The following CLSTN2 variants were observed in gnomAD, a reference collection of about 807,000 sequenced individuals.
CLSTN2 encodes calsyntenin-2.
Under a neutral mutation model 101.2 loss-of-function variants are expected in CLSTN2, and 48 were observed. The ratio of observed to expected loss-of-function variants is 0.47; its 90% CI spans 0.38 to 0.60. The LOEUF (loss-of-function observed/expected upper bound fraction) is 0.60. CLSTN2 is among the 20% of genes least tolerant of loss of function. The pLI, the probability that CLSTN2 is intolerant of heterozygous loss-of-function variation, is 0.00. For synonymous variants in CLSTN2, 481 were observed against 463.6 expected (o/e 1.04, Z -0.48); for missense variants, 1,160 against 1,238.2 (o/e 0.94, Z 0.95).
intron 8 of CLSTN2, among the ~76,000 whole-genome samples, chr3:140,509,650 T>TG (rs35816032): frequency 3.9e-5 from 6 of 152,068 alleles, no homozygotes; most frequent in African/African-American, 7.2e-5. Flanking sequence ...TAATAGTGAA[T>TG]GGGGGGGCCT....
chr3:140,510,925 T>C (rs1354650286), intron 8 of CLSTN2, among the ~76,000 whole-genome samples: 1 of 152,200 alleles, frequency 6.6e-6, no homozygotes, highest in African/African-American at 2.4e-5. Context: ...ATGCGTGCCA[T>C]GGTGGTTTGC....
In CLSTN2 at chr3:140,566,802, T is replaced by TTCTC. The variant is rs10662926; in HGVS notation, c.*567_*570dup. The TTCTC allele has an allele frequency of 0.5, 75,865 of 151,842 alleles. 21,091 individuals are homozygous for TTCTC. The highest frequency in any genetic ancestry group is 0.67 in the Middle Eastern group (195 of 290). 9.4% of individuals were successfully genotyped at this position (151,842 alleles called of 1,614,324 possible). A position where few individuals can be genotyped will look rare whatever the true frequency, so the allele number is the denominator to read the frequency against. Reference sequence around the variant, plus strand: ...AAGTTTACAGGGAAAGGTACACACATTCTCTCTCTCTCTCTCTCTCTGTCT... The same window carrying TTCTC: ...AAGTTTACAGGGAAAGGTACACACATTCTCTCTCTCTCTCTCTCTCTCTCTGTCT... On this transcript the variant is annotated 3_prime_UTR_variant, in exon 17 of 17. Coordinates refer to ENST00000458420, the MANE Select transcript of CLSTN2 (RefSeq NM_022131.3).
chr3:140,522,272 A>G (rs1197909621), intron 8 of CLSTN2, among the ~76,000 whole-genome samples: 1 of 152,244 alleles, frequency 6.6e-6, no homozygotes, highest in Non-Finnish European at 1.5e-5. Flanking sequence ...GAATTCAGGC[A>G]TCACTTTCAT....
At chr3:140,547,607 C>T (rs756378449) in intron 10 of CLSTN2, among the ~76,000 whole-genome samples, 8 of 152,186 alleles carry the variant, frequency 5.3e-5, no homozygotes, top group Non-Finnish European at 8.8e-5. Context: ...AAGCTTCTCT[C>T]GTTCTCTCAT....
At chr3:140,233,374 C>T (rs1267394379) in intron 2 of CLSTN2, among the ~76,000 whole-genome samples, 5 of 152,244 alleles carry the variant, frequency 3.3e-5, no homozygotes, top group African/African-American at 1.2e-4. Context: ...TAGGTGTTCT[C>T]CTCCAAGCTC....
In CLSTN2 at chr3:140,203,569, G is replaced by A. The variant is rs544348275; in HGVS notation, c.232+27496G>A. Among the ~76,000 whole-genome samples the A allele has an allele frequency of 4.1e-5, 6 of 146,098 alleles. No individual in the cohort carries two copies. In the South Asian group the frequency reaches 6.7e-4, roughly 16 times the overall value. ...ATGTTAGCTCTTTTCCTGAGACCAC[G>A]GTGCAATTTGGCGCATGGCCCGTGC... On this transcript the variant is annotated intron_variant, in intron 2 of 16. Coordinates refer to ENST00000458420, the MANE Select transcript of CLSTN2 (RefSeq NM_022131.3).
Position 140,565,463 on chromosome 3 carries a change from T to C in CLSTN2, c.2668-590T>C, listed in dbSNP as rs1295598411. On this transcript the variant is annotated intron_variant, in intron 16 of 16. Transcript: ENST00000458420. ...TCCAAAAGCTGGAGGGAGGGGGAATTGGACTGGAAAGGAAGGGGTACAGCC... is the reference window on the plus strand; with the variant it reads ...TCCAAAAGCTGGAGGGAGGGGGAATCGGACTGGAAAGGAAGGGGTACAGCC... Among the ~76,000 whole-genome samples the C allele has an allele frequency of 3.3e-5, 5 of 151,508 alleles. No individual in the cohort carries two copies. In the East Asian group the frequency reaches 9.7e-4, roughly 29 times the overall value.
intron 1 of CLSTN2, among the ~76,000 whole-genome samples, chr3:139,985,361 G>A (rs1273676114): frequency 1.3e-5 from 2 of 152,062 alleles, no homozygotes; most frequent in Admixed American, 6.6e-5. Context: ...CAAATAAAGC[G>A]GTGTGAAACA....
intron 5 of CLSTN2, among the ~76,000 whole-genome samples, chr3:140,427,330 C>T (rs1164908391): frequency 8.7e-5 from 13 of 149,788 alleles, no homozygotes; most frequent in African/African-American, 3.2e-4. Flanking sequence ...GGTAGATAAA[C>T]TGGATAAGGA....
intron 8 of CLSTN2, among the ~76,000 whole-genome samples, chr3:140,490,628 C>T (rs1934336829): frequency 6.6e-6 from 1 of 150,654 alleles, no homozygotes; most frequent in South Asian, 2.1e-4. Flanking sequence ...ATGGCACATC[C>T]ACTGGGACTA....
chr3:140,516,081 T>A (rs1934911178), intron 8 of CLSTN2, among the ~76,000 whole-genome samples: 1 of 152,212 alleles, frequency 6.6e-6, no homozygotes, highest in South Asian at 2.1e-4. Flanking sequence ...TTTATCATTA[T>A]GTAATGTTCC....
chr3:140,113,528 C>A (rs1033641564), intron 1 of CLSTN2, among the ~76,000 whole-genome samples: 30 of 152,342 alleles, frequency 2.0e-4, no homozygotes, highest in African/African-American at 6.3e-4. Flanking sequence ...CAACTACATT[C>A]CTTTCTGCCC....
intron 2 of CLSTN2, among the ~76,000 whole-genome samples, chr3:140,251,349 G>A (rs1245143864): frequency 6.6e-6 from 1 of 152,158 alleles, no homozygotes; most frequent in Non-Finnish European, 1.5e-5. Flanking sequence ...GCTATGGGCT[G>A]TATGATTTAT....
chr3:140,448,209 CTGTGTGTGTGTGTGTG>C (rs55857773), intron 5 of CLSTN2, among the ~76,000 whole-genome samples: 42,433 of 148,342 alleles, frequency 0.29, 6,915 homozygotes, highest in East Asian at 0.46. Flanking sequence ...GAGGGTGTGA[CTGTGTGTGTGTGTGTG>C]TGTGTGTGTG....
intron 1 of CLSTN2, among the ~76,000 whole-genome samples, chr3:140,010,360 G>A (rs1393494882): frequency 6.6e-6 from 1 of 152,174 alleles, no homozygotes; most frequent in African/African-American, 2.4e-5. Context: ...TCCAGAGGTA[G>A]AGCTGGCTTT....
At chr3:140,209,050 C>A (rs771506566) in intron 2 of CLSTN2, among the ~76,000 whole-genome samples, 1 of 152,206 alleles carries the variant, frequency 6.6e-6, no homozygotes, top group Non-Finnish European at 1.5e-5. Flanking sequence ...ATTGCAGCAC[C>A]TTTCTATAAG....
chr3:139,978,661 T>A (rs1935863301), intron 1 of CLSTN2, among the ~76,000 whole-genome samples: 3 of 57,888 alleles, frequency 5.2e-5, no homozygotes, highest in Admixed American at 1.8e-4. Context: ...TGTGTGTGTG[T>A]GTGTGTGTGT....
chr3:140,187,097 C>T (rs2010495823), intron 2 of CLSTN2, among the ~76,000 whole-genome samples: 1 of 152,152 alleles, frequency 6.6e-6, no homozygotes, highest in South Asian at 2.1e-4. Context: ...CTTGAAGTCC[C>T]TAAAGAGGTG....
chr3:140,331,685 A>G (rs1194036013), intron 2 of CLSTN2, among the ~76,000 whole-genome samples: 1 of 152,088 alleles, frequency 6.6e-6, no homozygotes, highest in Admixed American at 6.5e-5. Context: ...CCTATGTCTG[A>G]TGGCTTCTAT....
Sources: allele counts gnomAD v4.1 joint callset (sites outside exome capture counted in the v4.1 genomes callset), GRCh38; gene constraint gnomAD v4.1.1; transcripts MANE v1.5; gene names NCBI Gene and HGNC (gene_info 2026-07-23, HGNC 2026-07-21).